SRD5A1: variants seen among roughly 807,000 people sequenced by gnomAD.
SRD5A1 encodes 3-oxo-5-alpha-steroid 4-dehydrogenase 1.
Under a neutral mutation model 28.2 loss-of-function variants are expected in SRD5A1, and 22 were observed. The observed-to-expected ratio is 0.78, with a 90% CI of 0.56 to 1.12. The LOEUF (loss-of-function observed/expected upper bound fraction) is 1.12, where lower values mean the gene tolerates loss of function less well. SRD5A1 is among the 50% of genes most tolerant of loss of function. The pLI, the probability that SRD5A1 is intolerant of heterozygous loss-of-function variation, is 0.00. For missense variants in SRD5A1, 300 were observed against 346.7 expected (o/e 0.87, Z 1.07); for synonymous variants, 151 against 135.0 (o/e 1.12, Z -0.82).
At chr5:6,646,309 G>T (rs1395046295) in intron 1 of SRD5A1, among the ~76,000 whole-genome samples, 1 of 152,160 alleles carries the variant, frequency 6.6e-6, no homozygotes, top group Non-Finnish European at 1.5e-5. Flanking sequence ...AAACATACGT[G>T]TACATGTGTC....
intron 3 of SRD5A1, among the ~76,000 whole-genome samples, chr5:6,656,544 G>GA (rs1195187773): frequency 1.3e-5 from 2 of 152,122 alleles, no homozygotes; most frequent in African/African-American, 4.8e-5. Flanking sequence ...GGAATATTTT[G>GA]AAAATCTTCT....
In SRD5A1 at chr5:6,662,915, T is replaced by C; in HGVS notation, c.662T>C (p.Phe221Ser). ...AGCTGGTCTGTCCAAGGCGCGGCTT[T>C]TGCTTTCTTCACGTTTTGTTTTTTA... ...LASWSVQGAA[F>S]AFFTFCFLSG... is the part of the protein sequence containing the mutation. Residue 221 changes from phenylalanine to serine, a missense_variant, in exon 4 of 5, where the codon TTT becomes TCT. This residue lies in a region of SRD5A1 where 126 missense variants were observed against 185.7 expected (regional missense o/e 0.68). Coordinates refer to ENST00000274192, the MANE Select transcript of SRD5A1 (RefSeq NM_001047.4). The C allele has an allele frequency of 1.2e-6, 2 of 1,614,110 alleles. No homozygotes were observed. Among genetic ancestry groups the C allele is most frequent in the Non-Finnish European group, 1.7e-6 (2 of 1,180,042 alleles).
Position 6,633,760 on chromosome 5 carries a change from C to T in SRD5A1, c.184C>T (p.Pro62Ser). Residue 62 changes from proline (P) to serine (S), a missense_variant, in exon 1 of 5, where the codon CCC becomes TCC. Pro to Ser is a moderately conservative substitution (Grantham distance 74). Coordinates refer to ENST00000274192, the MANE Select transcript of SRD5A1 (RefSeq NM_001047.4). ...GGCCGCCTGGGTGGTGCAGGAGCTG[C>T]CCTCGCTGGCCCTGCCGCTCTACCA... Reference protein sequence around the residue: ...ARAAWVVQELPSLALPLYQYA... With the variant: ...ARAAWVVQELSSLALPLYQYA... 6.3e-7 allele frequency: 1 copy of T among 1,597,194 alleles called. No individual in the cohort carries two copies.
intron 4 of SRD5A1, among the ~76,000 whole-genome samples, chr5:6,666,892 G>A (rs555426777): frequency 2.0e-5 from 3 of 152,146 alleles, no homozygotes; most frequent in Non-Finnish European, 2.9e-5. Flanking sequence ...CTCTCCTGCT[G>A]TCATGTACTC....
At chr5:6,641,618 C>T (rs973907312) in intron 1 of SRD5A1, among the ~76,000 whole-genome samples, 31 of 152,178 alleles carry the variant, frequency 2.0e-4, no homozygotes, top group African/African-American at 7.5e-4. Context: ...ACTGGTGTCC[C>T]CTTCCAGGGC....
Position 6,669,612 on chromosome 5 carries a change from A to G in SRD5A1, c.*1344A>G, listed in dbSNP as rs572302242. ...AATTGTTACATCGAAACATTCTTTC[A>G]TCATATTTCCTGTTTTTATTTGGTT... On this transcript the variant is annotated 3_prime_UTR_variant, in exon 5 of 5. Transcript: ENST00000274192. 6 of 152,348 alleles carry G rather than the reference A, an allele frequency of 3.9e-5. No homozygotes were observed. In the South Asian group the frequency reaches 6.2e-4, roughly 16 times the overall value. 9.4% of individuals were successfully genotyped at this position (152,348 alleles called of 1,614,324 possible).
chr5:6,642,573 G>A (rs997668611), intron 1 of SRD5A1, among the ~76,000 whole-genome samples: 4 of 152,202 alleles, frequency 2.6e-5, no homozygotes, highest in African/African-American at 4.8e-5. Context: ...AGTACAGAAC[G>A]CAGTTTGATA....
intron 2 of SRD5A1, among the ~76,000 whole-genome samples, chr5:6,655,134 C>G (rs568509): frequency 0.17 from 25,340 of 152,180 alleles, 2,326 homozygotes; most frequent in East Asian, 0.24. Flanking sequence ...AAAAAGTATT[C>G]AATGTCACTG....
rs1739410830 is a variant in SRD5A1 at position 6,673,193 on chromosome 5, A to G, written c.*4925A>G. On this transcript the variant is annotated 3_prime_UTR_variant, in exon 5 of 5. Transcript: ENST00000274192. ...ATTCTCCATCACTCTTGAAAGATAT[A>G]TGAAGGGAATGTTGGCGCAATCAGT... 1 of 152,234 alleles carries G rather than the reference A, an allele frequency of 6.6e-6. No homozygotes were observed. The highest frequency in any genetic ancestry group is 2.1e-4 in the South Asian group (1 of 4,834). The allele number at this position is 152,234 out of a possible 1,614,324, so 9.4% of individuals were successfully genotyped here. A position where few individuals can be genotyped will look rare whatever the true frequency, so the allele number is the denominator to read the frequency against.
intron 2 of SRD5A1, among the ~76,000 whole-genome samples, chr5:6,655,838 T>C (rs1019912902): frequency 3.3e-5 from 5 of 152,244 alleles, no homozygotes; most frequent in African/African-American, 1.2e-4. Context: ...TAGATTGTGA[T>C]GAACAGGTCA....
At chr5:6,661,263 G>A (rs559320498) in intron 3 of SRD5A1, among the ~76,000 whole-genome samples, 1 of 152,032 alleles carries the variant, frequency 6.6e-6, no homozygotes, top group East Asian at 1.9e-4. Context: ...ATCTCAGGCT[G>A]GGTGTCATGG....
At chr5:6,642,014 T>A (rs192549338) in intron 1 of SRD5A1, among the ~76,000 whole-genome samples, 1 of 152,358 alleles carries the variant, frequency 6.6e-6, no homozygotes, top group African/African-American at 2.4e-5. Context: ...GCCAAGATAC[T>A]GGGTAGGTAT....
chr5:6,640,575 G>C (rs1738330447), intron 1 of SRD5A1, among the ~76,000 whole-genome samples: 1 of 149,678 alleles, frequency 6.7e-6, no homozygotes, highest in Non-Finnish European at 1.5e-5. Flanking sequence ...AGTGTTGCCT[G>C]GGCTGGTCTC....
chr5:6,661,306 C>T (rs911351912), intron 3 of SRD5A1, among the ~76,000 whole-genome samples: 52 of 148,986 alleles, frequency 3.5e-4, no homozygotes, highest in African/African-American at 1.2e-3. Flanking sequence ...TTTGGGAGGC[C>T]AAGAGAGGTG....
At position 6,633,461 on chromosome 5, in the gene SRD5A1, G is replaced by T; in HGVS notation, c.-116G>T. On this transcript the variant is annotated 5_prime_UTR_variant, in exon 1 of 5. Transcript: ENST00000274192. Reference sequence around the variant, plus strand: ...GAACCCTTTCTGCAGAGTCCCGGCAGTGCGGGACTCCGGTAGCCGCCCCTC... The same window carrying T: ...GAACCCTTTCTGCAGAGTCCCGGCATTGCGGGACTCCGGTAGCCGCCCCTC... 8.4e-7 allele frequency: 1 copy of T among 1,195,568 alleles called. No homozygotes were observed. Among genetic ancestry groups the T allele is most frequent in the Non-Finnish European group, 1.1e-6 (1 of 906,378 alleles). 74.1% of individuals were successfully genotyped at this position (1,195,568 alleles called of 1,614,324 possible).
intron 3 of SRD5A1, among the ~76,000 whole-genome samples, chr5:6,658,702 C>T (rs1738904970): frequency 6.6e-6 from 1 of 152,128 alleles, no homozygotes. Context: ...ACTAACCAGG[C>T]TCAGCCTTGC....
chr5:6,659,610 C>T (rs1738945324), intron 3 of SRD5A1, among the ~76,000 whole-genome samples: 1 of 152,172 alleles, frequency 6.6e-6, no homozygotes, highest in East Asian at 1.9e-4. Context: ...TGCAGGTACG[C>T]ACCCTATACC....
intron 1 of SRD5A1, among the ~76,000 whole-genome samples, chr5:6,636,578 G>A (rs574186902): frequency 6.6e-6 from 1 of 152,252 alleles, no homozygotes; most frequent in South Asian, 2.1e-4. Context: ...CAGGTCCAGG[G>A]ACTTTCCACA....
Position 6,674,042 on chromosome 5 carries a change from T to C in SRD5A1, c.*5774T>C, listed in dbSNP as rs1739436323. 1.3e-5 allele frequency: 2 copies of C among 152,072 alleles called. No individual in the cohort carries two copies. The highest frequency in any genetic ancestry group is 6.6e-5 in the Admixed American group (1 of 15,256). 9.4% of individuals were successfully genotyped at this position (152,072 alleles called of 1,614,324 possible). On this transcript the variant is annotated 3_prime_UTR_variant, in exon 5 of 5. Transcript: ENST00000274192. The stretch of plus-strand genomic sequence containing the variant: ...ATGGATATAGAATATTATGCATTTT[T>C]CAAAACACATAGAATATACAACATG...
Sources: allele counts gnomAD v4.1 joint callset (sites outside exome capture counted in the v4.1 genomes callset), GRCh38; gene constraint gnomAD v4.1.1; regional missense constraint gnomAD v4.1.1; transcripts MANE v1.5; gene names NCBI Gene and HGNC (gene_info 2026-07-23, HGNC 2026-07-21).